Variants in TAF4 observed in about 807,000 individuals in gnomAD.
TAF4 encodes the protein transcription initiation factor TFIID subunit 4.
Under a neutral mutation model 90.3 loss-of-function variants are expected in TAF4, and 9 were observed. That is an observed-to-expected ratio of 0.10 (90% CI 0.06 to 0.17). The LOEUF (loss-of-function observed/expected upper bound fraction) is 0.17, where lower values mean the gene tolerates loss of function less well. TAF4 is among the 10% of genes least tolerant of loss of function. The probability of loss-of-function intolerance (pLI) is 1.00; values close to 1 mark genes in which losing one functional copy is unlikely to be tolerated. For synonymous variants in TAF4, 818 were observed against 638.9 expected (o/e 1.28, Z -4.23); for missense variants, 1,351 against 1,370.7 (o/e 0.99, Z 0.23).
rs761779016 is a variant in TAF4 at position 62,065,086 on chromosome 20, G to T, written c.725C>A (p.Pro242His). ...GGGGGGCGCGGCGGCGCCCACGAAG[G>T]GGGGCGTCTGGATGACAGTGCCGGG... ...AAPGTVIQTPPFVGAAAPPAP... is the reference protein window; with the variant it reads ...AAPGTVIQTPHFVGAAAPPAP... The change falls in exon 1 of 15, where the codon CCC becomes CAC. Residue 242 changes from proline (P) to histidine (H), a missense_variant. Physicochemically the swap from Pro to His is moderately conservative, Grantham distance 77. This residue lies in a region of TAF4 where 782 missense variants were observed against 536.6 expected (regional missense o/e 1.46). Coordinates refer to ENST00000252996, the MANE Select transcript of TAF4 (RefSeq NM_003185.4). 6 of 997,192 alleles carry T rather than the reference G, an allele frequency of 6.0e-6. No homozygotes were observed. The highest frequency in any genetic ancestry group is 5.5e-5 in the African/African-American group (3 of 54,886). The allele number at this position is 997,192 out of a possible 1,614,324, so 61.8% of individuals were successfully genotyped here.
At chr20:62,013,909 GTGT>G (rs1568932065) in intron 2 of TAF4, among the ~76,000 whole-genome samples, 9,413 of 78,798 alleles carry the variant, frequency 0.12, 504 homozygotes, top group East Asian at 0.34. Context: ...TGACGCGGGT[GTGT>G]GTGTGTGTGT....
rs137995800 is a variant in TAF4, at chr20:62,007,571, T to C, written c.1950A>G (p.Gln650=). The change falls in exon 6 of 15, where the codon CAA becomes CAG. Residue 650 remains glutamine (Q), a synonymous_variant. Transcript: ENST00000252996. ...RLYRELNSSP[Q]PYLVPFLKRS... ...CCTTCAGGAAAGGCACAAGGTAAGG[T>C]TGAGGTGAAGAATTAAGTTCTCGGT... The C allele has an allele frequency of 9.5e-5, 153 of 1,613,318 alleles. No homozygotes were observed. The highest frequency in any genetic ancestry group is 8.5e-4 in the African/African-American group (64 of 74,970).
At chr20:62,047,249 A>G (rs1346334390) in intron 1 of TAF4, among the ~76,000 whole-genome samples, 1 of 152,180 alleles carries the variant, frequency 6.6e-6, no homozygotes, top group Non-Finnish European at 1.5e-5. Flanking sequence ...GCATGGGGCT[A>G]TGGTAGCTAC....
At position 62,043,283 on chromosome 20, in the gene TAF4, C is replaced by T. The variant is rs1031444822; in HGVS notation, c.1360+21168G>A. On this transcript the variant is annotated intron_variant, in intron 1 of 14. Coordinates refer to ENST00000252996, the MANE Select transcript of TAF4 (RefSeq NM_003185.4). The stretch of plus-strand genomic sequence containing the variant: ...GCAGTAAGCCATGATTGCGTCACTG[C>T]ACTCCAGCCTGGGTGACAGAGCTTA... 2.0e-5 allele frequency among the ~76,000 whole-genome samples: 3 copies of T among 152,292 alleles called. No homozygotes were observed. In the East Asian group the frequency reaches 5.8e-4, roughly 29 times the overall value.
chr20:62,003,132 C>G lies in TAF4; in HGVS notation c.2486+28G>C, dbSNP rs1312552969. On this transcript the variant is annotated intron_variant, in intron 9 of 14. Transcript: ENST00000252996. The stretch of plus-strand genomic sequence containing the variant: ...ACTCTTCTCCGCTCTGGCCACGCTT[C>G]TCCAACGTACACAGGCCCATTCCTT... The G allele has an allele frequency of 2.5e-6, 4 of 1,591,054 alleles. No homozygotes were observed. In the African/African-American group the frequency reaches 5.4e-5, roughly 21 times the overall value.
chr20:62,028,560 C>A (rs927490634), intron 1 of TAF4, among the ~76,000 whole-genome samples: 1 of 152,146 alleles, frequency 6.6e-6, no homozygotes, highest in South Asian at 2.1e-4. Flanking sequence ...TGCGGGGCGA[C>A]TGTATCTGGC....
chr20:61,990,039 G>A (rs564180193), intron 14 of TAF4, among the ~76,000 whole-genome samples: 5 of 152,320 alleles, frequency 3.3e-5, no homozygotes, highest in African/African-American at 1.2e-4. Context: ...CCACGACGCT[G>A]TGGAGAAACA....
At chr20:61,983,948 C>T (rs776356186) in intron 14 of TAF4, among the ~76,000 whole-genome samples, 1 of 152,130 alleles carries the variant, frequency 6.6e-6, no homozygotes, top group Non-Finnish European at 1.5e-5. Context: ...CTTTCTAATG[C>T]AAAAAGTCAC....
intron 1 of TAF4, among the ~76,000 whole-genome samples, chr20:62,053,831 C>G (rs6142705): frequency 6.6e-6 from 1 of 152,248 alleles, no homozygotes; most frequent in African/African-American, 2.4e-5. Context: ...TCGGCTGAAA[C>G]TAGGGAGAGG....
chr20:61,980,440 C>T (rs1377876737), intron 14 of TAF4: 2 of 152,366 alleles, frequency 1.3e-5, no homozygotes, highest in East Asian at 3.9e-4. Context: ...TGCCCACAGC[C>T]GCCCCGGGCG....
intron 1 of TAF4, chr20:62,037,379 G>C (rs931584254): frequency 6.6e-6 from 1 of 152,278 alleles, no homozygotes; most frequent in African/African-American, 2.4e-5. Flanking sequence ...AAATCCACAG[G>C]ATATAAAGTC....
intron 1 of TAF4, among the ~76,000 whole-genome samples, chr20:62,035,578 TAAAAGC>T (rs61159868): frequency 0.54 from 81,710 of 151,274 alleles, 22,428 homozygotes; most frequent in Middle Eastern, 0.65. Flanking sequence ...ATTACATACT[TAAAAGC>T]AAAAGCAAAA....
chr20:62,064,717 C>T lies in TAF4; in HGVS notation c.1094G>A (p.Gly365Asp). 8.1e-7 allele frequency: 1 copy of T among 1,230,346 alleles called. No individual in the cohort carries two copies. The highest frequency in any genetic ancestry group is 3.0e-5 in the South Asian group (1 of 32,862). The allele number at this position is 1,230,346 out of a possible 1,614,324, so 76.2% of individuals were successfully genotyped here. Residue 365 changes from glycine to aspartate, a missense_variant, in exon 1 of 15, where the codon GGC becomes GAC. Around this residue, in one of 9 missense-constraint regions of TAF4, gnomAD observed 782 missense variants for 536.6 expected, o/e 1.46. Transcript: ENST00000252996. ...PPAAQTLAAS[G>D]PASTAASMVI... ...CATGCTGGCCGCCGTGCTGGCCGGG[C>T]CGCTGGCCGCCAGGGTCTGCGCCGC... is the stretch of plus-strand genomic sequence containing the variant.
At chr20:62,009,019 G>A (rs1282924544) in intron 5 of TAF4, 33 bp downstream of exon 5, 1 of 1,605,128 alleles carries the variant, frequency 6.2e-7, no homozygotes, top group South Asian at 1.1e-5. Context: ...ACAGGCTTTA[G>A]GGGAAAGGGA....
intron 3 of TAF4, among the ~76,000 whole-genome samples, chr20:62,011,189 A>G (rs1042190547): frequency 6.6e-6 from 1 of 152,060 alleles, no homozygotes; most frequent in Non-Finnish European, 1.5e-5. Context: ...ACTTGTAACA[A>G]TAAGCATGGA....
rs1429836662 is a variant in TAF4 at position 62,064,719 on chromosome 20, G to T, written c.1092C>A (p.Ser364Arg). ...TGCTGGCCGCCGTGCTGGCCGGGCC[G>T]CTGGCCGCCAGGGTCTGCGCCGCCG... ...APPAAQTLAA[S>R]GPASTAASMV... Residue 364 changes from serine to arginine, a missense_variant, in exon 1 of 15, where the codon AGC (serine) becomes AGA (arginine). Coordinates refer to ENST00000252996, the MANE Select transcript of TAF4 (RefSeq NM_003185.4). 8.1e-7 allele frequency: 1 copy of T among 1,229,692 alleles called. No homozygotes were observed. Among genetic ancestry groups the T allele is most frequent in the Non-Finnish European group, 1.0e-6 (1 of 988,312 alleles). The allele number at this position is 1,229,692 out of a possible 1,614,324, so 76.2% of individuals were successfully genotyped here.
chr20:62,039,917 T>C (rs1187579069), intron 1 of TAF4, among the ~76,000 whole-genome samples: 5 of 152,134 alleles, frequency 3.3e-5, no homozygotes, highest in African/African-American at 1.2e-4. Context: ...CATTAGTCAC[T>C]AGGGAAATGC....
intron 1 of TAF4, among the ~76,000 whole-genome samples, chr20:62,025,766 G>A (rs1033852579): frequency 5.3e-5 from 8 of 152,076 alleles, no homozygotes; most frequent in African/African-American, 9.7e-5. Flanking sequence ...AGACTACTAC[G>A]CTGTCTGACT....
chr20:61,997,196 C>A (rs1453842672), intron 14 of TAF4, among the ~76,000 whole-genome samples: 1 of 152,182 alleles, frequency 6.6e-6, no homozygotes, highest in African/African-American at 2.4e-5. Context: ...TGTCCATTCT[C>A]CTACAGCAGC....
Sources: gnomAD v4.1 joint callset for allele counts (sites outside exome capture counted in the v4.1 genomes callset) on GRCh38, gnomAD v4.1.1 for gene constraint, gnomAD v4.1.1 regional missense constraint, MANE v1.5 for transcripts, NCBI Gene and HGNC (gene_info 2026-07-23, HGNC 2026-07-21) for gene names.